The following EPHA4 variants were observed in gnomAD, a reference collection of about 807,000 sequenced individuals.
The protein encoded by EPHA4 is ephrin type-A receptor 4.
In EPHA4, 19 loss-of-function variants were observed where a neutral mutation model predicts 108.3. That is an observed-to-expected ratio of 0.18 (90% CI 0.12 to 0.26). The LOEUF (loss-of-function observed/expected upper bound fraction) is 0.26. Ranked by LOEUF, EPHA4 falls within the 10% of genes least tolerant of loss-of-function variation. The pLI is 1.00. For missense variants in EPHA4, 917 were observed against 1,254.0 expected, an observed-to-expected ratio of 0.73 and a Z score of 4.06; for synonymous variants, 449 against 455.5, an observed-to-expected ratio of 0.99 and a Z score of 0.18.
chr2:221,421,152 C>G (rs1689749047), intron 17 of EPHA4, among the ~76,000 whole-genome samples: 1 of 152,012 alleles, frequency 6.6e-6, no homozygotes, highest in South Asian at 2.1e-4. Context: ...AAAAAATTAG[C>G]CAGGCGTGGT....
At chr2:221,537,233 C>T (rs1305502846) in intron 3 of EPHA4, among the ~76,000 whole-genome samples, 1 of 152,208 alleles carries the variant, frequency 6.6e-6, no homozygotes, top group Non-Finnish European at 1.5e-5. Flanking sequence ...TCCAAGGATG[C>T]TGGAGATCTT....
At chr2:221,545,584 T>G (rs1415703135) in intron 3 of EPHA4, among the ~76,000 whole-genome samples, 1 of 152,200 alleles carries the variant, frequency 6.6e-6, no homozygotes, top group African/African-American at 2.4e-5. Flanking sequence ...TGACCTTCTA[T>G]CCTGCCATGC....
At chr2:221,546,155 T>C (rs1574650506) in intron 3 of EPHA4, among the ~76,000 whole-genome samples, 1 of 152,092 alleles carries the variant, frequency 6.6e-6, no homozygotes. Flanking sequence ...ACACGATATA[T>C]CCAGGCATTC....
intron 17 of EPHA4, among the ~76,000 whole-genome samples, chr2:221,424,487 AAAG>A (rs1689841049): frequency 6.6e-6 from 1 of 152,120 alleles, no homozygotes; most frequent in Non-Finnish European, 1.5e-5. Context: ...AAAAAAAAAA[AAAG>A]AATGAAAAGT....
chr2:221,483,242 G>T (rs1329226838), intron 4 of EPHA4, among the ~76,000 whole-genome samples: 1 of 152,084 alleles, frequency 6.6e-6, no homozygotes, highest in Non-Finnish European at 1.5e-5. Flanking sequence ...CTGGTTTAAC[G>T]CGGTTGCAGA....
intron 3 of EPHA4, among the ~76,000 whole-genome samples, chr2:221,514,440 G>A (rs181254065): frequency 2.6e-4 from 39 of 152,246 alleles, no homozygotes; most frequent in African/African-American, 7.2e-4. Flanking sequence ...TCCCAACCTC[G>A]GGGATTTTGG....
chr2:221,443,575 G>A lies in EPHA4; in HGVS notation c.1806C>T (p.Tyr602=), dbSNP rs200216848. ...CTCGCACTGCTTGGTTGGGATCTTC[G>A]TACGTAAAGGGGTCCACATATGTTC... The part of the protein sequence containing the change: ...GVRTYVDPFT[Y]EDPNQAVREF... Residue 602 remains tyrosine, a synonymous_variant, in exon 10 of 18, where the codon TAC becomes TAT. Coordinates refer to ENST00000281821, the MANE Select transcript of EPHA4 (RefSeq NM_004438.5). 215 of 1,613,660 alleles carry A rather than the reference G, an allele frequency of 1.3e-4. No homozygotes were observed. The highest frequency in any genetic ancestry group is 4.5e-5 in the East Asian group (2 of 44,862).
At chr2:221,495,235 A>G (rs1338935678) in intron 4 of EPHA4, among the ~76,000 whole-genome samples, 1 of 152,172 alleles carries the variant, frequency 6.6e-6, no homozygotes, top group Non-Finnish European at 1.5e-5. Context: ...TTCCATTTCC[A>G]TGAAGGGAGA....
chr2:221,530,949 G>A (rs1242104650), intron 3 of EPHA4, among the ~76,000 whole-genome samples: 2 of 152,096 alleles, frequency 1.3e-5, no homozygotes, highest in Non-Finnish European at 2.9e-5. Flanking sequence ...AGTGGCTGAG[G>A]ACAGAGTTGA....
In EPHA4 at chr2:221,554,307, CTTAA is replaced by C. The variant is rs553348443; in HGVS notation, c.823+9420_823+9423del. 3.9e-3 allele frequency among the ~76,000 whole-genome samples: 588 copies of C among 152,340 alleles called. 7 individuals carry two copies. The highest frequency in any genetic ancestry group is 0.013 in the African/African-American group (539 of 41,580). On this transcript the variant is annotated intron_variant, in intron 3 of 17. Coordinates refer to ENST00000281821, the MANE Select transcript of EPHA4 (RefSeq NM_004438.5). Reference sequence around the variant, plus strand: ...GTTGTTTTAACTGACTTTGCTTTTACTTAATTAGACTGCAACGTCTAGCTATGCC... The same window carrying C: ...GTTGTTTTAACTGACTTTGCTTTTACTTAGACTGCAACGTCTAGCTATGCC...
intron 3 of EPHA4, among the ~76,000 whole-genome samples, chr2:221,517,724 T>C (rs1693031495): frequency 6.6e-6 from 1 of 152,178 alleles, no homozygotes; most frequent in Admixed American, 6.5e-5. Context: ...TCCTTCCAAA[T>C]GAGTCATGTC....
chr2:221,479,357 G>A (rs1480735266), intron 5 of EPHA4, among the ~76,000 whole-genome samples: 2 of 152,182 alleles, frequency 1.3e-5, no homozygotes, highest in African/African-American at 2.4e-5. Context: ...AGCAGGTTTT[G>A]CGTGATTGAT....
chr2:221,572,307 GT>G, upstream of EPHA4: 10 of 1,475,698 alleles, frequency 6.8e-6, no homozygotes, highest in Non-Finnish European at 9.5e-6. Context: ...AAATGCTTAA[GT>G]TAGGAGAGCA....
chr2:221,446,144 C>T lies in EPHA4; in HGVS notation c.1753G>A (p.Glu585Lys). ...GTACCTTGATTCAAATGTTTCTCTT[C>T]ATCCGCTTCTTGTTTGGCTTTACTG... ...KYSKAKQEAD[E>K]EKHLNQGVRT... The change falls in exon 9 of 18, where the codon GAA (glutamate) becomes AAA (lysine). Residue 585 changes from glutamate (E) to lysine (K), a missense_variant. Physicochemically the swap from Glu to Lys is moderately conservative, Grantham distance 56 (BLOSUM62 1). Around this residue, in one of 3 missense-constraint regions of EPHA4, gnomAD observed 758 missense variants for 1,076.7 expected, o/e 0.70. Coordinates refer to ENST00000281821, the MANE Select transcript of EPHA4 (RefSeq NM_004438.5). 6.4e-7 allele frequency: 1 copy of T among 1,554,546 alleles called. No individual in the cohort carries two copies. Among genetic ancestry groups the T allele is most frequent in the Non-Finnish European group, 8.7e-7 (1 of 1,153,028 alleles).
At position 221,472,300 on chromosome 2, in the gene EPHA4, CAA is replaced by C. The variant is rs11397333; in HGVS notation, c.1318+10050_1318+10051del. On this transcript the variant is annotated intron_variant, in intron 5 of 17. Coordinates refer to ENST00000281821, the MANE Select transcript of EPHA4 (RefSeq NM_004438.5). ...ATGCTCAAAATACGCACTTATTTTA[CAA>C]AAAAAAAAAAAAAAAAATTAGGGTT... Among the ~76,000 whole-genome samples, 768 of 115,770 alleles carry C rather than the reference CAA, an allele frequency of 6.6e-3. 1 individual carries two copies. The highest frequency in any genetic ancestry group is 0.025 in the African/African-American group (700 of 27,792). 75.9% of individuals were successfully genotyped at this position (115,770 alleles called of 152,430 possible).
chr2:221,464,610 TAGTACA>T (rs1691250625), intron 5 of EPHA4, among the ~76,000 whole-genome samples: 1 of 152,232 alleles, frequency 6.6e-6, no homozygotes, highest in Non-Finnish European at 1.5e-5. Flanking sequence ...CAGTATTTTA[TAGTACA>T]AGAGTTTATA....
intron 4 of EPHA4, among the ~76,000 whole-genome samples, chr2:221,490,194 A>T (rs1692099561): frequency 6.6e-6 from 1 of 151,246 alleles, no homozygotes; most frequent in Non-Finnish European, 1.5e-5. Context: ...TATGTCACAA[A>T]AGCTAAGCAA....
intron 5 of EPHA4, among the ~76,000 whole-genome samples, chr2:221,480,750 T>G (rs913325741): frequency 6.6e-6 from 1 of 152,204 alleles, no homozygotes; most frequent in Non-Finnish European, 1.5e-5. Context: ...GAAGATACAT[T>G]CCGGTAAGAC....
intron 3 of EPHA4, among the ~76,000 whole-genome samples, chr2:221,507,237 C>A (rs1405352221): frequency 6.6e-6 from 1 of 152,160 alleles, no homozygotes; most frequent in African/African-American, 2.4e-5. Context: ...TTTTGAATGA[C>A]AAAGCATAAT....
Sources: allele counts gnomAD v4.1 joint callset (sites outside exome capture counted in the v4.1 genomes callset), GRCh38; gene constraint gnomAD v4.1.1; regional missense constraint gnomAD v4.1.1; transcripts MANE v1.5; gene names NCBI Gene and HGNC (gene_info 2026-07-23, HGNC 2026-07-21).